The following FBN3 variants were observed in gnomAD, a reference collection of about 807,000 sequenced individuals.
FBN3 encodes fibrillin-3.
Under a neutral mutation model 330.1 loss-of-function variants are expected in FBN3, and 234 were observed. The ratio of observed to expected loss-of-function variants is 0.71; its 90% CI spans 0.64 to 0.79. The LOEUF (loss-of-function observed/expected upper bound fraction) is 0.79, where lower values mean the gene tolerates loss of function less well. Ranked by LOEUF, FBN3 falls within the 30% of genes least tolerant of loss-of-function variation. FBN3 has a pLI of 0.00. For missense variants in FBN3, 3,606 were observed against 3,886.9 expected, an observed-to-expected ratio of 0.93 and a Z score of 1.92; for synonymous variants, 1,458 against 1,517.3, an observed-to-expected ratio of 0.96 and a Z score of 0.91.
chr19:8,130,583 T>G lies in FBN3; in HGVS notation c.2044+652A>C, dbSNP rs149831782. 2.1e-4 allele frequency among the ~76,000 whole-genome samples: 3 copies of G among 14,066 alleles called. 1 individual carries two copies. The African/African-American group carries it at 2.3e-3, about 11-fold the overall frequency. 9.2% of individuals were successfully genotyped at this position (14,066 alleles called of 152,430 possible). On this transcript the variant is annotated intron_variant, in intron 16 of 63. Coordinates refer to ENST00000600128, the MANE Select transcript of FBN3 (RefSeq NM_032447.5). ...GAGAGAGAAGGAAAGAAAGAAAGAA[T>G]GAAAGAAAGAAAGAAAGAAAGAAAG...
chr19:8,074,290 G>A (rs546231536), intron 61 of FBN3, among the ~76,000 whole-genome samples: 1 of 152,100 alleles, frequency 6.6e-6, no homozygotes, highest in East Asian at 1.9e-4. Flanking sequence ...AGCTTGCCTG[G>A]GGGGTGGGGT....
rs1242145856 is a variant in FBN3 at position 8,126,010 on chromosome 19, G to A, written c.2613C>T (p.Asn871=). The part of the protein sequence containing the change: ...RMTGVTCDDV[N]ECESFPGVCP... The stretch of plus-strand genomic sequence containing the variant: ...AGACTCCCGGGAAGGACTCACACTC[G>A]TTCACATCTGGGTAAGGAGGAGGGA... Residue 871 remains asparagine, a synonymous_variant, in exon 22 of 64, where the codon AAC becomes AAT. Coordinates refer to ENST00000600128, the MANE Select transcript of FBN3 (RefSeq NM_032447.5). The A allele has an allele frequency of 5.6e-6, 9 of 1,613,878 alleles. No homozygotes were observed. The highest frequency in any genetic ancestry group is 1.6e-4 in the Middle Eastern group (1 of 6,062).
In FBN3 at chr19:8,089,970, A is replaced by G; in HGVS notation, c.6185-11T>C. 6.2e-7 allele frequency: 1 copy of G among 1,608,898 alleles called. No individual in the cohort carries two copies. The highest frequency in any genetic ancestry group is 8.5e-7 in the Non-Finnish European group (1 of 1,178,788). On this transcript the variant is annotated splice_polypyrimidine_tract_variant and intron_variant, in intron 49 of 63. Coordinates refer to ENST00000600128, the MANE Select transcript of FBN3 (RefSeq NM_032447.5). Reference sequence around the variant, plus strand: ...GCTCCTGAAAGGCAGCTGGACGGAGAGGGGGAGGGGAGTCAGAGTCAGGGC... The same window carrying G: ...GCTCCTGAAAGGCAGCTGGACGGAGGGGGGGAGGGGAGTCAGAGTCAGGGC...
rs2081773481 is a variant in FBN3 at position 8,081,172 on chromosome 19, G to A, written c.7337-53C>T. On this transcript the variant is annotated intron_variant, in intron 58 of 63. Coordinates refer to ENST00000600128, the MANE Select transcript of FBN3 (RefSeq NM_032447.5). The stretch of plus-strand genomic sequence containing the variant: ...AGGGCAGGGCCCAGTGGGGGATTAG[G>A]GGCTTCCCAGGGGCTGCCCTTGCCA... The A allele has an allele frequency of 3.2e-6, 5 of 1,545,110 alleles. No individual in the cohort carries two copies. In the East Asian group the frequency reaches 9.0e-5, roughly 28 times the overall value.
intron 63 of FBN3, among the ~76,000 whole-genome samples, chr19:8,068,621 G>C (rs919668830): frequency 6.6e-6 from 1 of 151,942 alleles, no homozygotes; most frequent in African/African-American, 2.4e-5. Context: ...AGGATTGCTT[G>C]AGCCCAGGAG....
At position 8,109,379 on chromosome 19, in the gene FBN3, G is replaced by C. The variant is rs774595160; in HGVS notation, c.4466C>G (p.Ala1489Gly). The C allele has an allele frequency of 6.2e-7, 1 of 1,614,180 alleles. No homozygotes were observed. Among genetic ancestry groups the C allele is most frequent in the Admixed American group, 1.7e-5 (1 of 60,026 alleles). Residue 1489 changes from alanine (A) to glycine (G), a missense_variant, in exon 36 of 64, where the codon GCC (alanine) becomes GGC (glycine). Ala to Gly is a moderately conservative substitution (Grantham distance 60, BLOSUM62 0). Coordinates refer to ENST00000600128, the MANE Select transcript of FBN3 (RefSeq NM_032447.5). The surrounding 1 kb of genome is among the most constrained non-coding windows in gnomAD (Gnocchi z 5.2). The stretch of plus-strand genomic sequence containing the variant: ...ATGCGTCTCCAGGAAACAGTTCCCG[G>C]CCCGAGTGTCTGAACAGGCAGAAGG... ...PSGVGCVDTR[A>G]GNCFLETHDR...
At chr19:8,072,784 G>A (rs1012991978) in intron 62 of FBN3, among the ~76,000 whole-genome samples, 20 of 152,024 alleles carry the variant, frequency 1.3e-4, no homozygotes, top group African/African-American at 1.7e-4. Context: ...GGGTGCCCAC[G>A]CATGCTGGTA....
intron 4 of FBN3, 57 bp from the exon 5 acceptor site, chr19:8,145,995 C>G: frequency 6.6e-7 from 1 of 1,508,802 alleles, no homozygotes; most frequent in Admixed American, 2.0e-5. Flanking sequence ...GAGATGCCCT[C>G]CTAGGAAGGC....
chr19:8,117,153 A>G lies in FBN3; in HGVS notation c.3586+16T>C. 6.2e-7 allele frequency: 1 copy of G among 1,613,832 alleles called. No individual in the cohort carries two copies. The highest frequency in any genetic ancestry group is 2.2e-5 in the East Asian group (1 of 44,870). Reference sequence around the variant, plus strand: ...CCCTCCACACCAGGCAGTGGGAAGAAGTTGTGCCCACCTACCTGCACATGC... The same window carrying G: ...CCCTCCACACCAGGCAGTGGGAAGAGGTTGTGCCCACCTACCTGCACATGC... On this transcript the variant is annotated intron_variant, in intron 28 of 63. Coordinates refer to ENST00000600128, the MANE Select transcript of FBN3 (RefSeq NM_032447.5).
chr19:8,103,300 T>C (rs1482906613), intron 39 of FBN3, among the ~76,000 whole-genome samples: 1 of 148,796 alleles, frequency 6.7e-6, no homozygotes, highest in Non-Finnish European at 1.5e-5. Flanking sequence ...ACTGGCTGGC[T>C]TGATTGGCTT....
chr19:8,141,338 C>T lies in FBN3; in HGVS notation c.865+379G>A, dbSNP rs561908507. On this transcript the variant is annotated intron_variant, in intron 8 of 63. Transcript: ENST00000600128. ...CTGAGATCACACCACTGCACTCCAG[C>T]CTGGGTAACAGAGTGAGACTCTGTC... Among the ~76,000 whole-genome samples, 21 of 148,944 alleles carry T rather than the reference C, an allele frequency of 1.4e-4. No individual in the cohort carries two copies. In the South Asian group the frequency reaches 4.1e-3, roughly 29 times the overall value.
chr19:8,111,293 GCAAGTAGCCCTGGGGACTCAGTCCCTGA>G, intron 32 of FBN3, 110 bp from the exon 33 acceptor site: 1 of 1,362,388 alleles, frequency 7.3e-7, no homozygotes, highest in South Asian at 1.4e-5. Flanking sequence ...AGAGTCCCAG[GCAAGTAGCCCTGGGGACTCAGTCCCTGA>G]CTTGGGGGTG....
rs529939455 is a variant in FBN3 at position 8,091,990 on chromosome 19, G to C, written c.5906-400C>G. ...AGGTCAGGAGATTGAGACTATCCTG[G>C]CTAACATGGTGAAACCATCTACTAA... On this transcript the variant is annotated intron_variant, in intron 47 of 63. Transcript: ENST00000600128. Among the ~76,000 whole-genome samples, 39 of 152,006 alleles carry C rather than the reference G, an allele frequency of 2.6e-4. No homozygotes were observed. In the East Asian group the frequency reaches 7.4e-3, roughly 29 times the overall value.
chr19:8,117,022 G>T, intron 28 of FBN3, 147 bp downstream of exon 28: 1 of 1,315,498 alleles, frequency 7.6e-7, no homozygotes, highest in East Asian at 2.5e-5. Context: ...AGCCTGCCTG[G>T]GGCCAGGACC....
chr19:8,141,637 G>T, intron 8 of FBN3, 80 bp downstream of exon 8: 1 of 1,509,250 alleles, frequency 6.6e-7, no homozygotes. Context: ...TGACCCCTCT[G>T]CCTTCCTGCA....
At position 8,138,280 on chromosome 19, in the gene FBN3, G is replaced by A. The variant is rs747633522; in HGVS notation, c.1062C>T (p.Pro354=). The A allele has an allele frequency of 8.7e-6, 14 of 1,612,770 alleles. No individual in the cohort carries two copies. The highest frequency in any genetic ancestry group is 2.7e-5 in the African/African-American group (2 of 74,884). Residue 354 remains proline (P), a synonymous_variant, in exon 10 of 64, where the codon CCC becomes CCT. Transcript: ENST00000600128. Reference sequence around the variant, plus strand: ...GGCCAGGGAAGAGGCCAGGGTGGCCGGGTAGCAGCGGCAGCCGCTGGGCGC... The same window carrying A: ...GGCCAGGGAAGAGGCCAGGGTGGCCAGGTAGCAGCGGCAGCCGCTGGGCGC... ...QLCAQRLPLL[P]GHPGLFPGLL... is the part of the protein sequence containing the mutation.
At chr19:8,100,673 T>C (rs1156233574) in intron 41 of FBN3, among the ~76,000 whole-genome samples, 1 of 152,196 alleles carries the variant, frequency 6.6e-6, no homozygotes, top group African/African-American at 2.4e-5. Context: ...TATTTTACTA[T>C]CATTTTAAAA....
Position 8,085,351 on chromosome 19 carries a change from A to G in FBN3, c.7087+12T>C. On this transcript the variant is annotated intron_variant, in intron 56 of 63. Coordinates refer to ENST00000600128, the MANE Select transcript of FBN3 (RefSeq NM_032447.5). ...TTGCCTCCCTGGGGGTCCTGAGGGC[A>G]TGGGCACCCACCTCGGCCCTCAGCA... 1 of 1,561,470 alleles carries G rather than the reference A, an allele frequency of 6.4e-7. No homozygotes were observed. The highest frequency in any genetic ancestry group is 8.6e-7 in the Non-Finnish European group (1 of 1,156,772).
In FBN3 at chr19:8,102,204, CT is replaced by C. The variant is rs772775825; in HGVS notation, c.5089+519del. Among the ~76,000 whole-genome samples the C allele has an allele frequency of 1.9e-3, 285 of 148,490 alleles. 1 individual carries two copies. Among genetic ancestry groups the C allele is most frequent in the African/African-American group, 6.3e-3 (259 of 40,860 alleles). On this transcript the variant is annotated intron_variant, in intron 40 of 63. Transcript: ENST00000600128. ...GAACTGCGAGTCCATTAAAGTCCTC[CT>C]TTTTTTTTATTTTTTTATTTTTTTT... is the stretch of plus-strand genomic sequence containing the variant.
Sources: gnomAD v4.1 joint callset for allele counts (sites outside exome capture counted in the v4.1 genomes callset) on GRCh38, gnomAD v4.1.1 for gene constraint, Gnocchi (gnomAD v3.1) non-coding constraint, MANE v1.5 for transcripts, NCBI Gene and HGNC (gene_info 2026-07-23, HGNC 2026-07-21) for gene names.